Variants in GRB2 observed in about 807,000 individuals in gnomAD.
The protein encoded by GRB2 is growth factor receptor bound protein 2, also known as growth factor receptor-bound protein 2.
A neutral mutation model predicts 27.4 loss-of-function variants in GRB2; 2 were observed. The observed-to-expected ratio is 0.07, with a 90% CI of 0.03 to 0.23. The LOEUF (loss-of-function observed/expected upper bound fraction) is 0.23, where lower values mean the gene tolerates loss of function less well. Among genes scored for constraint, GRB2 ranks in the 10% least tolerant of loss-of-function variants. The pLI, the probability that GRB2 is intolerant of heterozygous loss-of-function variation, is 1.00. For missense variants in GRB2, 102 were observed against 282.4 expected, an observed-to-expected ratio of 0.36 and a Z score of 4.58; for synonymous variants, 94 against 99.6, an observed-to-expected ratio of 0.94 and a Z score of 0.33.
At chr17:75,397,846 TTTATTTA>T (rs1555613673) in intron 1 of GRB2, among the ~76,000 whole-genome samples, 1 of 151,704 alleles carries the variant, frequency 6.6e-6, no homozygotes, top group Non-Finnish European at 1.5e-5. Context: ...TATTTATTTA[TTTATTTA>T]TTTTTTGAGA....
At position 75,336,364 on chromosome 17, in the gene GRB2, G is replaced by C. The variant is rs191801856; in HGVS notation, c.79-3567C>G. On this transcript the variant is annotated intron_variant, in intron 2 of 5. Coordinates refer to ENST00000316804, the MANE Select transcript of GRB2 (RefSeq NM_002086.5). Reference sequence around the variant, plus strand: ...GTGTCTACTTTTACTGTATACACTTGTTCTTGGAAGACAGAGAGTCAGACT... The same window carrying C: ...GTGTCTACTTTTACTGTATACACTTCTTCTTGGAAGACAGAGAGTCAGACT... 2.2e-4 allele frequency among the ~76,000 whole-genome samples: 34 copies of C among 152,284 alleles called. No homozygotes were observed. The East Asian group carries it at 6.5e-3, about 29-fold the overall frequency.
At chr17:75,344,564 A>T (rs566456100) in intron 2 of GRB2, 1 of 151,914 alleles carries the variant, frequency 6.6e-6, no homozygotes, top group African/African-American at 2.4e-5. Context: ...GCTAATTTCT[A>T]TATTTTCAGT....
chr17:75,360,960 G>A (rs866702169), intron 2 of GRB2, among the ~76,000 whole-genome samples: 7 of 62,712 alleles, frequency 1.1e-4, no homozygotes, highest in Non-Finnish European at 1.8e-4. Context: ...TGGTAGAGAT[G>A]GGGTCTTGCT....
chr17:75,351,878 T>C (rs2078694815), intron 2 of GRB2, among the ~76,000 whole-genome samples: 1 of 152,112 alleles, frequency 6.6e-6, no homozygotes, highest in Admixed American at 6.6e-5. Context: ...AAATTCTAAG[T>C]AGTACACTCT....
chr17:75,395,840 G>GTTTTT (rs11344182), intron 1 of GRB2, among the ~76,000 whole-genome samples: 1 of 139,518 alleles, frequency 7.2e-6, no homozygotes. Flanking sequence ...TACTTTTTGT[G>GTTTTT]TTTTTTTTTT....
At chr17:75,398,367 C>T (rs1049026223) in intron 1 of GRB2, among the ~76,000 whole-genome samples, 4 of 151,894 alleles carry the variant, frequency 2.6e-5, no homozygotes, top group African/African-American at 9.7e-5. Context: ...CTCCTGGGCT[C>T]AAGGGATCCT....
chr17:75,366,312 A>G lies in GRB2; in HGVS notation c.78+27239T>C, dbSNP rs557826680. ...TAGTATAACACATTCTGTTAACTGCAAATAACAGTGGCTTAACACAATGGG... is the reference window on the plus strand; with the variant it reads ...TAGTATAACACATTCTGTTAACTGCGAATAACAGTGGCTTAACACAATGGG... On this transcript the variant is annotated intron_variant, in intron 2 of 5. Coordinates refer to ENST00000316804, the MANE Select transcript of GRB2 (RefSeq NM_002086.5). 3.9e-5 allele frequency among the ~76,000 whole-genome samples: 6 copies of G among 152,296 alleles called. No homozygotes were observed. The East Asian group carries it at 1.2e-3, about 29-fold the overall frequency.
At chr17:75,341,391 G>T (rs1054397166) in intron 2 of GRB2, among the ~76,000 whole-genome samples, 2 of 149,276 alleles carry the variant, frequency 1.3e-5, no homozygotes, top group Non-Finnish European at 1.5e-5. Context: ...GGCAGAGGTT[G>T]CAGTGAGCCG....
intron 2 of GRB2, among the ~76,000 whole-genome samples, chr17:75,386,486 A>G (rs1320599336): frequency 2.0e-5 from 3 of 152,198 alleles, no homozygotes; most frequent in Non-Finnish European, 4.4e-5. Context: ...CCAAGCCACC[A>G]GTGAGAAAGA....
intron 2 of GRB2, among the ~76,000 whole-genome samples, chr17:75,344,684 G>A (rs956602577): frequency 6.6e-6 from 1 of 151,872 alleles, no homozygotes; most frequent in African/African-American, 2.4e-5. Flanking sequence ...TTGAGCCACC[G>A]CGCTCGGCCT....
chr17:75,348,118 G>A (rs1386201886), intron 2 of GRB2, among the ~76,000 whole-genome samples: 2 of 152,206 alleles, frequency 1.3e-5, no homozygotes, highest in African/African-American at 4.8e-5. Context: ...ACAGCTCAAT[G>A]CAGCCTCAGC....
chr17:75,328,975 G>A (rs911638465), intron 3 of GRB2, among the ~76,000 whole-genome samples: 3 of 118,088 alleles, frequency 2.5e-5, no homozygotes, highest in Admixed American at 8.6e-5. Flanking sequence ...AAATAAATAA[G>A]GACACTTAAC....
chr17:75,332,852 AGAT>A, intron 2 of GRB2, 55 bp from the exon 3 acceptor site: 1 of 1,142,462 alleles, frequency 8.8e-7, no homozygotes. Flanking sequence ...CCCTTTAAAA[AGAT>A]AGTTACAAGA....
intron 4 of GRB2, among the ~76,000 whole-genome samples, chr17:75,325,058 G>C (rs2078489595): frequency 6.6e-6 from 1 of 152,160 alleles, no homozygotes; most frequent in South Asian, 2.1e-4. Flanking sequence ...CTGGGGGACA[G>C]AGCGAGACTC....
intron 1 of GRB2, among the ~76,000 whole-genome samples, chr17:75,404,474 G>A (rs1208284507): frequency 2.0e-5 from 3 of 148,596 alleles, no homozygotes; most frequent in Admixed American, 1.4e-4. Context: ...AGCACGAAAG[G>A]GAAGAAACCT....
Position 75,393,704 on chromosome 17 carries a change from T to C in GRB2, c.-76A>G, listed in dbSNP as rs2079012605. 8.4e-7 allele frequency: 1 copy of C among 1,188,362 alleles called. No homozygotes were observed. 73.6% of individuals were successfully genotyped at this position (1,188,362 alleles called of 1,614,324 possible). A position where few individuals can be genotyped will look rare whatever the true frequency, so the allele number is the denominator to read the frequency against. On this transcript the variant is annotated 5_prime_UTR_variant, in exon 2 of 6. Transcript: ENST00000316804. ...TCCCTGCTGAAGCAACCCAGCGCTC[T>C]GGGCTTAGCCTCGCCTCTCTTCTGG... is the stretch of plus-strand genomic sequence containing the variant.
intron 2 of GRB2, among the ~76,000 whole-genome samples, chr17:75,378,742 C>G (rs1308376408): frequency 2.0e-5 from 3 of 152,172 alleles, no homozygotes; most frequent in Non-Finnish European, 4.4e-5. Context: ...TTCTTCTGTA[C>G]TGGTAACCTA....
At position 75,362,588 on chromosome 17, in the gene GRB2, T is replaced by A. The variant is rs573265547; in HGVS notation, c.79-29791A>T. 4.6e-5 allele frequency among the ~76,000 whole-genome samples: 7 copies of A among 152,380 alleles called. No individual in the cohort carries two copies. The East Asian group carries it at 1.2e-3, about 25-fold the overall frequency. On this transcript the variant is annotated intron_variant, in intron 2 of 5. Transcript: ENST00000316804. ...TTCACTTTATCCCTGTTCTTAGCATTTTTATTGCTGGGTGTTAAACAGAAA... is the reference window on the plus strand; with the variant it reads ...TTCACTTTATCCCTGTTCTTAGCATATTTATTGCTGGGTGTTAAACAGAAA...
intron 2 of GRB2, among the ~76,000 whole-genome samples, chr17:75,349,524 T>TTC (rs1555610331): frequency 6.7e-5 from 10 of 149,946 alleles, no homozygotes; most frequent in Non-Finnish European, 4.4e-5. Flanking sequence ...TTTTTTTTTT[T>TTC]TTTTGAGACA....
Sources: gnomAD v4.1 joint callset for allele counts (sites outside exome capture counted in the v4.1 genomes callset) on GRCh38, gnomAD v4.1.1 for gene constraint, MANE v1.5 for transcripts, NCBI Gene and HGNC (gene_info 2026-07-23, HGNC 2026-07-21) for gene names.